IMMP2L: variants seen among roughly 807,000 people sequenced by gnomAD.
IMMP2L encodes inner mitochondrial membrane peptidase subunit 2.
IMMP2L carries 18 observed loss-of-function variants against 19.3 expected under a neutral mutation model. The observed-to-expected ratio is 0.93, with a 90% CI of 0.64 to 1.38. The LOEUF (loss-of-function observed/expected upper bound fraction) is 1.38. IMMP2L is among the 40% of genes most tolerant of loss of function. The probability of loss-of-function intolerance (pLI) is 0.00; values close to 1 mark genes in which losing one functional copy is unlikely to be tolerated. For missense variants in IMMP2L, 233 were observed against 218.2 expected (o/e 1.07, Z -0.43); for synonymous variants, 76 against 73.0 (o/e 1.04, Z -0.21).
chr7:111,458,104 C>T (rs1033149961), intron 3 of IMMP2L, among the ~76,000 whole-genome samples: 1 of 152,092 alleles, frequency 6.6e-6, no homozygotes, highest in Admixed American at 6.5e-5. Context: ...TGCACCAGGG[C>T]ACGGTGGTTC....
At chr7:111,292,235 C>T (rs1157091851) in intron 3 of IMMP2L, among the ~76,000 whole-genome samples, 2 of 152,252 alleles carry the variant, frequency 1.3e-5, no homozygotes, top group East Asian at 3.9e-4. Context: ...ATCCTTTAGA[C>T]TTTCATCACA....
intron 5 of IMMP2L, among the ~76,000 whole-genome samples, chr7:110,732,106 A>T (rs1796310056): frequency 6.6e-6 from 1 of 152,192 alleles, no homozygotes; most frequent in Non-Finnish European, 1.5e-5. Context: ...CTGGGAGAAC[A>T]TGTATGACGG....
intron 3 of IMMP2L, among the ~76,000 whole-genome samples, chr7:111,299,394 G>T (rs1821971883): frequency 6.6e-6 from 1 of 152,012 alleles, no homozygotes; most frequent in African/African-American, 2.4e-5. Flanking sequence ...AACCATCACT[G>T]AATGCCTACT....
At chr7:110,729,919 AT>A (rs1358993939) in intron 5 of IMMP2L, among the ~76,000 whole-genome samples, 2 of 143,380 alleles carry the variant, frequency 1.4e-5, no homozygotes, top group Non-Finnish European at 3.1e-5. Flanking sequence ...AGAACTTAAA[AT>A]AAAAGTTGAT....
intron 3 of IMMP2L, among the ~76,000 whole-genome samples, chr7:111,214,517 T>TG (rs1038577995): frequency 2.8e-5 from 4 of 144,864 alleles, no homozygotes; most frequent in African/African-American, 7.6e-5. Flanking sequence ...TTTTTTTTTT[T>TG]TTTTTTTTTT....
intron 5 of IMMP2L, among the ~76,000 whole-genome samples, chr7:110,798,039 G>A (rs1800981542): frequency 6.6e-6 from 1 of 151,874 alleles, no homozygotes; most frequent in South Asian, 2.1e-4. Context: ...ATAAGAAAAG[G>A]TACGAGATGT....
intron 5 of IMMP2L, among the ~76,000 whole-genome samples, chr7:110,858,182 GA>G (rs1005631559): frequency 7.3e-5 from 11 of 151,138 alleles, no homozygotes; most frequent in African/African-American, 1.9e-4. Flanking sequence ...AGCAGAGTAT[GA>G]AAAAAAAATC....
In IMMP2L at chr7:110,886,672, T is replaced by C; in HGVS notation, c.329A>G (p.Tyr110Cys). The part of the protein sequence containing the change: ...IVRTIGHKNR[Y>C]VKVPRGHIWV... ...GATGTGACCACGGGGGACTTTGACA[T>C]ACCGGTTTTTGTGTCCTATGGTTCT... The change falls in exon 5 of 6, where the codon TAT becomes TGT. Residue 110 changes from tyrosine (Y) to cysteine (C), a missense_variant. Physicochemically the swap from Tyr to Cys is radical, Grantham distance 194. Transcript: ENST00000405709. 6.3e-7 allele frequency: 1 copy of C among 1,599,340 alleles called. No individual in the cohort carries two copies. The highest frequency in any genetic ancestry group is 8.6e-7 in the Non-Finnish European group (1 of 1,166,836).
intron 4 of IMMP2L, among the ~76,000 whole-genome samples, chr7:110,911,115 T>C (rs1271723562): frequency 6.6e-6 from 1 of 152,128 alleles, no homozygotes; most frequent in Non-Finnish European, 1.5e-5. Flanking sequence ...TTTCTACTTT[T>C]TAAACAAATG....
At chr7:111,165,081 TC>T (rs1309782244) in intron 3 of IMMP2L, among the ~76,000 whole-genome samples, 5 of 151,996 alleles carry the variant, frequency 3.3e-5, no homozygotes, top group African/African-American at 1.2e-4. Context: ...CATTCCACAC[TC>T]CCCACATCCG....
At chr7:111,239,814 C>T (rs1052137633) in intron 3 of IMMP2L, among the ~76,000 whole-genome samples, 40 of 152,010 alleles carry the variant, frequency 2.6e-4, no homozygotes, top group African/African-American at 9.6e-4. Context: ...ACTATTTAAT[C>T]TGCCCAATGA....
chr7:111,326,396 A>T (rs544690059), intron 3 of IMMP2L, among the ~76,000 whole-genome samples: 1 of 151,852 alleles, frequency 6.6e-6, no homozygotes, highest in Non-Finnish European at 1.5e-5. Flanking sequence ...TAAAGTTACA[A>T]TAATTCCAAA....
chr7:110,893,790 C>T (rs1181276508), intron 4 of IMMP2L, among the ~76,000 whole-genome samples: 1 of 152,086 alleles, frequency 6.6e-6, no homozygotes, highest in African/African-American at 2.4e-5. Context: ...AAATGGTTGG[C>T]TCACATGGTA....
chr7:111,446,770 G>C (rs1838499186), intron 3 of IMMP2L, among the ~76,000 whole-genome samples: 1 of 152,108 alleles, frequency 6.6e-6, no homozygotes, highest in African/African-American at 2.4e-5. Flanking sequence ...AGCTACGGGA[G>C]GACATTCAAA....
intron 5 of IMMP2L, among the ~76,000 whole-genome samples, chr7:110,845,021 T>C (rs1310758716): frequency 6.6e-6 from 1 of 152,128 alleles, no homozygotes; most frequent in Non-Finnish European, 1.5e-5. Flanking sequence ...TCTCATCAGC[T>C]GGGAAAGATT....
At chr7:111,332,445 C>T (rs914741886) in intron 3 of IMMP2L, among the ~76,000 whole-genome samples, 1 of 151,816 alleles carries the variant, frequency 6.6e-6, no homozygotes, top group African/African-American at 2.4e-5. Context: ...AAGAAGGACA[C>T]GTTTTAACGC....
At chr7:110,703,102 G>A (rs528692737) in intron 5 of IMMP2L, among the ~76,000 whole-genome samples, 39 of 152,076 alleles carry the variant, frequency 2.6e-4, no homozygotes, top group Middle Eastern at 3.4e-3. Context: ...TTCAGAATGC[G>A]GAAGTTCCCT....
At chr7:111,145,811 G>A (rs988291209) in intron 3 of IMMP2L, among the ~76,000 whole-genome samples, 7 of 152,086 alleles carry the variant, frequency 4.6e-5, no homozygotes, top group South Asian at 4.1e-4. Context: ...GTATAACTCA[G>A]AGCAGTTAAA....
intron 4 of IMMP2L, among the ~76,000 whole-genome samples, chr7:110,916,136 T>TA (rs1213719534): frequency 7.2e-5 from 11 of 152,262 alleles, no homozygotes; most frequent in Admixed American, 2.0e-4. Context: ...TTAAAAGAAT[T>TA]AAAAATCATT....
Sources: allele counts gnomAD v4.1 joint callset (sites outside exome capture counted in the v4.1 genomes callset), GRCh38; gene constraint gnomAD v4.1.1; transcripts MANE v1.5; gene names NCBI Gene and HGNC (gene_info 2026-07-23, HGNC 2026-07-21).